TTLL11: variants seen among roughly 807,000 people sequenced by gnomAD.
The protein encoded by TTLL11 is tubulin tyrosine ligase like 11.
Under a neutral mutation model 51.7 loss-of-function variants are expected in TTLL11, and 42 were observed. That is an observed-to-expected ratio of 0.81 (90% CI 0.64 to 1.05). The LOEUF is 1.05. Among genes scored for constraint, TTLL11 ranks in the 50% least tolerant of loss-of-function variants. TTLL11 has a pLI of 0.00. For missense variants in TTLL11, 799 were observed against 940.4 expected, an observed-to-expected ratio of 0.85 and a Z score of 1.97; for synonymous variants, 381 against 383.5, an observed-to-expected ratio of 0.99 and a Z score of 0.08.
At chr9:122,086,446 T>TA (rs1278043525) in intron 1 of TTLL11, among the ~76,000 whole-genome samples, 7 of 152,162 alleles carry the variant, frequency 4.6e-5, no homozygotes, top group African/African-American at 1.7e-4. Context: ...GCTTTTTTTT[T>TA]AAATGGGCAG....
At chr9:121,985,603 G>A (rs993593661) in intron 4 of TTLL11, among the ~76,000 whole-genome samples, 1 of 139,222 alleles carries the variant, frequency 7.2e-6, no homozygotes, top group African/African-American at 2.7e-5. Context: ...TGCAAGCTCC[G>A]CCTCCCGGGT....
chr9:121,933,137 A>G (rs1841058964), intron 6 of TTLL11, among the ~76,000 whole-genome samples: 1 of 152,214 alleles, frequency 6.6e-6, no homozygotes, highest in South Asian at 2.1e-4. Flanking sequence ...TAAAATAGGT[A>G]CAAAGGGGAA....
chr9:122,045,861 G>A (rs572249438), intron 1 of TTLL11, among the ~76,000 whole-genome samples: 33 of 152,310 alleles, frequency 2.2e-4, no homozygotes, highest in Middle Eastern at 3.4e-3. Context: ...CATAGAGGCA[G>A]AAAGTAGGAT....
chr9:121,832,141 T>A (rs960034768), intron 8 of TTLL11, among the ~76,000 whole-genome samples: 61 of 152,194 alleles, frequency 4.0e-4, no homozygotes, highest in Admixed American at 4.0e-3. Context: ...TACAGCCACA[T>A]GGAGGATAGT....
chr9:121,998,532 C>T (rs768314921), intron 3 of TTLL11, among the ~76,000 whole-genome samples: 11 of 151,654 alleles, frequency 7.3e-5, no homozygotes, highest in Middle Eastern at 3.2e-3. Flanking sequence ...GTGATCCACC[C>T]GCCTCGACCT....
intron 6 of TTLL11, among the ~76,000 whole-genome samples, chr9:121,941,425 C>T (rs1841464225): frequency 6.6e-6 from 1 of 152,286 alleles, no homozygotes; most frequent in South Asian, 2.1e-4. Context: ...TGACAACAGC[C>T]GACATTTGCG....
At chr9:121,859,997 G>A (rs1412846566) in intron 8 of TTLL11, among the ~76,000 whole-genome samples, 3 of 152,150 alleles carry the variant, frequency 2.0e-5, no homozygotes, top group African/African-American at 4.8e-5. Context: ...CTTTCAGGAC[G>A]AGAACCAAGC....
chr9:122,041,758 A>C (rs1235937119), intron 1 of TTLL11, among the ~76,000 whole-genome samples: 1 of 152,186 alleles, frequency 6.6e-6, no homozygotes, highest in Non-Finnish European at 1.5e-5. Context: ...TTTGTAAAAG[A>C]AATTAAAGAA....
At chr9:122,049,010 A>G (rs1436406136) in intron 1 of TTLL11, among the ~76,000 whole-genome samples, 2 of 139,498 alleles carry the variant, frequency 1.4e-5, no homozygotes, top group Non-Finnish European at 3.1e-5. Flanking sequence ...TTCGTGCCAG[A>G]AAAAAAAAAA....
At chr9:121,932,951 A>T (rs16911128) in intron 6 of TTLL11, among the ~76,000 whole-genome samples, 13,329 of 152,228 alleles carry the variant, frequency 0.088, 945 homozygotes, top group African/African-American at 0.19. Context: ...ACTAAATTAC[A>T]TCCGAGCCTG....
intron 4 of TTLL11, among the ~76,000 whole-genome samples, chr9:121,985,771 C>T (rs192675627): frequency 1.4e-3 from 217 of 152,186 alleles, no homozygotes; most frequent in Middle Eastern, 3.4e-3. Context: ...CCGCCTGCCT[C>T]GGCCTCCCAA....
At chr9:122,005,798 C>G (rs1047337471) in intron 3 of TTLL11, among the ~76,000 whole-genome samples, 1 of 152,132 alleles carries the variant, frequency 6.6e-6, no homozygotes, top group African/African-American at 2.4e-5. Context: ...GTACTGCCAC[C>G]TAGGGAGGGT....
intron 3 of TTLL11, among the ~76,000 whole-genome samples, chr9:122,004,912 C>T (rs1030469355): frequency 2.6e-5 from 4 of 152,226 alleles, no homozygotes; most frequent in Non-Finnish European, 5.9e-5. Context: ...GCACAATACT[C>T]TCAGTGCCAA....
intron 6 of TTLL11, among the ~76,000 whole-genome samples, chr9:121,963,384 T>C (rs1459787772): frequency 6.6e-6 from 1 of 152,220 alleles, no homozygotes; most frequent in East Asian, 1.9e-4. Flanking sequence ...TGTTCTGGGC[T>C]AACAACTGCT....
chr9:121,905,421 G>A (rs1005856598), intron 6 of TTLL11, among the ~76,000 whole-genome samples: 6 of 150,960 alleles, frequency 4.0e-5, no homozygotes, highest in Admixed American at 1.3e-4. Flanking sequence ...GCACGAACTC[G>A]GCTCACTGCA....
At chr9:121,886,466 G>A (rs1477746971) in intron 6 of TTLL11, among the ~76,000 whole-genome samples, 1 of 152,172 alleles carries the variant, frequency 6.6e-6, no homozygotes, top group Non-Finnish European at 1.5e-5. Context: ...CATGGGAACC[G>A]AGGGCAGAGG....
At position 121,841,045 on chromosome 9, in the gene TTLL11, G is replaced by A. The variant is rs551077374; in HGVS notation, c.1841-18166C>T. ...AACAGAGCAAGGAGAGAGCATGGCT[G>A]TTTGGCAGGGAGGGCAGGGAGAAGG... On this transcript the variant is annotated intron_variant, in intron 8 of 8. Coordinates refer to ENST00000321582, the MANE Select transcript of TTLL11 (RefSeq NM_001139442.2). Among the ~76,000 whole-genome samples the A allele has an allele frequency of 1.4e-4, 22 of 152,292 alleles. 1 individual carries two copies. The highest frequency in any genetic ancestry group is 3.4e-3 in the Middle Eastern group (1 of 294).
At chr9:121,872,555 A>C (rs1564282285) in intron 6 of TTLL11, among the ~76,000 whole-genome samples, 1 of 152,224 alleles carries the variant, frequency 6.6e-6, no homozygotes, top group Non-Finnish European at 1.5e-5. Context: ...TGTAACCTGT[A>C]AGTGCTTTTA....
intron 6 of TTLL11, among the ~76,000 whole-genome samples, chr9:121,945,772 C>T (rs1324834520): frequency 6.6e-6 from 1 of 152,146 alleles, no homozygotes; most frequent in Non-Finnish European, 1.5e-5. Context: ...GAAAGTGATC[C>T]ACAATTTAAC....
Sources: gnomAD v4.1 joint callset for allele counts (sites outside exome capture counted in the v4.1 genomes callset) on GRCh38, gnomAD v4.1.1 for gene constraint, MANE v1.5 for transcripts, NCBI Gene and HGNC (gene_info 2026-07-23, HGNC 2026-07-21) for gene names.